ADAMTSL3: variants seen among roughly 807,000 people sequenced by gnomAD.
ADAMTSL3 encodes the protein ADAMTS like 3, also known as ADAMTS-like protein 3.
A neutral mutation model predicts 201.7 loss-of-function variants in ADAMTSL3; 128 were observed. The observed-to-expected ratio is 0.63, with a 90% CI of 0.55 to 0.73. The LOEUF is 0.73. Among genes scored for constraint, ADAMTSL3 ranks in the 30% least tolerant of loss-of-function variants. ADAMTSL3 has a pLI of 0.00. For synonymous variants in ADAMTSL3, 738 were observed against 748.4 expected (o/e 0.99, Z 0.23); for missense variants, 1,990 against 2,119.6 (o/e 0.94, Z 1.20).
At chr15:83,805,647 A>T (rs2063591513) in intron 5 of ADAMTSL3, among the ~76,000 whole-genome samples, 2 of 152,224 alleles carry the variant, frequency 1.3e-5, no homozygotes, top group African/African-American at 2.4e-5. Context: ...TTTCCTGGTT[A>T]TCAGTAAGAG....
intron 7 of ADAMTSL3, among the ~76,000 whole-genome samples, chr15:83,856,878 A>T (rs1278935308): frequency 2.0e-5 from 3 of 152,218 alleles, no homozygotes; most frequent in South Asian, 4.2e-4. Flanking sequence ...TATCTTGAGG[A>T]CTTGCCATAC....
chr15:83,796,898 A>G (rs983494466), intron 4 of ADAMTSL3, among the ~76,000 whole-genome samples: 2 of 152,240 alleles, frequency 1.3e-5, no homozygotes, highest in Non-Finnish European at 2.9e-5. Context: ...TAAAGAATAA[A>G]TTCCAAGTGC....
chr15:83,848,610 A>C (rs1381393318), intron 7 of ADAMTSL3, among the ~76,000 whole-genome samples: 1 of 152,228 alleles, frequency 6.6e-6, no homozygotes, highest in Admixed American at 6.5e-5. Context: ...TTTATACAGC[A>C]TCACTTGGTC....
intron 4 of ADAMTSL3, 150 bp downstream of exon 4, chr15:83,773,800 C>T (rs1325827782): frequency 2.6e-6 from 3 of 1,166,806 alleles, no homozygotes; most frequent in East Asian, 5.5e-5. Context: ...CCTAGGTTAA[C>T]ATATTTAAGC....
chr15:83,700,749 G>C (rs28393534), intron 2 of ADAMTSL3, among the ~76,000 whole-genome samples: 11 of 152,136 alleles, frequency 7.2e-5, no homozygotes, highest in Non-Finnish European at 1.6e-4. Context: ...GGGTGACAGA[G>C]CAAGACTCCG....
chr15:83,744,922 G>A (rs902320855), intron 3 of ADAMTSL3, among the ~76,000 whole-genome samples: 14 of 152,210 alleles, frequency 9.2e-5, no homozygotes, highest in Non-Finnish European at 1.8e-4. Flanking sequence ...ATAAGAGGGC[G>A]GGTCCCTGGC....
intron 16 of ADAMTSL3, among the ~76,000 whole-genome samples, chr15:83,922,925 T>C (rs1309404535): frequency 6.6e-6 from 1 of 152,200 alleles, no homozygotes; most frequent in Non-Finnish European, 1.5e-5. Context: ...TATTACAGTT[T>C]GTTTGTGACT....
At chr15:83,992,900 A>T (rs1240690446) in intron 23 of ADAMTSL3, among the ~76,000 whole-genome samples, 1 of 152,196 alleles carries the variant, frequency 6.6e-6, no homozygotes, top group Non-Finnish European at 1.5e-5. Flanking sequence ...GATGGAGCTC[A>T]GCACTGGGAG....
chr15:83,743,350 A>G (rs1177326414), intron 3 of ADAMTSL3, among the ~76,000 whole-genome samples: 1 of 151,844 alleles, frequency 6.6e-6, no homozygotes, highest in Non-Finnish European at 1.5e-5. Context: ...CGTCTCTACT[A>G]AAAATACAAA....
chr15:83,723,409 A>C (rs913020754), intron 3 of ADAMTSL3, among the ~76,000 whole-genome samples: 2 of 152,188 alleles, frequency 1.3e-5, no homozygotes, highest in African/African-American at 4.8e-5. Context: ...AGAACCTCAG[A>C]AATATCTTTA....
intron 15 of ADAMTSL3, among the ~76,000 whole-genome samples, chr15:83,906,244 G>A (rs2065830199): frequency 6.6e-6 from 1 of 152,118 alleles, no homozygotes; most frequent in African/African-American, 2.4e-5. Flanking sequence ...AAACTTTAGA[G>A]TTGTATTGTC....
chr15:83,894,141 C>T (rs538089861), intron 13 of ADAMTSL3, among the ~76,000 whole-genome samples: 145 of 152,234 alleles, frequency 9.5e-4, no homozygotes, highest in Non-Finnish European at 1.7e-3. Context: ...GAATGATTCA[C>T]TCCATCTGAA....
chr15:83,946,063 G>A (rs2066649181), intron 19 of ADAMTSL3: 1 of 152,342 alleles, frequency 6.6e-6, no homozygotes, highest in Non-Finnish European at 1.5e-5. Context: ...CAGACAGCTT[G>A]TTTCTGGATG....
In ADAMTSL3 at chr15:83,912,163, C is replaced by G. The variant is rs562138967; in HGVS notation, c.1701-929C>G. ...GGAATCTGGTTTTCAAAATTCTGTG[C>G]AGGGGTCCAGTAAAGGACCAGATAG... On this transcript the variant is annotated intron_variant, in intron 15 of 29. Coordinates refer to ENST00000286744, the MANE Select transcript of ADAMTSL3 (RefSeq NM_207517.3). 3.3e-5 allele frequency among the ~76,000 whole-genome samples: 5 copies of G among 152,228 alleles called. No individual in the cohort carries two copies. In the East Asian group the frequency reaches 9.7e-4, roughly 29 times the overall value.
At chr15:84,017,663 A>G (rs2068112360) in intron 25 of ADAMTSL3, among the ~76,000 whole-genome samples, 1 of 152,214 alleles carries the variant, frequency 6.6e-6, no homozygotes. Context: ...CACGTTACTT[A>G]TGACATCATT....
rs764433618 is a variant in ADAMTSL3 at position 83,704,341 on chromosome 15, G to A, written c.70-48G>A. On this transcript the variant is annotated intron_variant, in intron 2 of 29. Coordinates refer to ENST00000286744, the MANE Select transcript of ADAMTSL3 (RefSeq NM_207517.3). Reference sequence around the variant, plus strand: ...GCCTTCTTGGACTTTACCTGTCAGGGGGTCCTTACTGGAGCCTTATTTGTG... The same window carrying A: ...GCCTTCTTGGACTTTACCTGTCAGGAGGTCCTTACTGGAGCCTTATTTGTG... The A allele has an allele frequency of 5.0e-6, 8 of 1,613,210 alleles. No individual in the cohort carries two copies. In the East Asian group the frequency reaches 1.1e-4, roughly 22 times the overall value.
chr15:83,917,107 A>G (rs1488747655), intron 16 of ADAMTSL3, among the ~76,000 whole-genome samples: 1 of 152,246 alleles, frequency 6.6e-6, no homozygotes, highest in African/African-American at 2.4e-5. Flanking sequence ...ACTGACAACC[A>G]CAATAAAATG....
chr15:83,669,603 G>T (rs761938137), intron 2 of ADAMTSL3, among the ~76,000 whole-genome samples: 19 of 150,226 alleles, frequency 1.3e-4, no homozygotes, highest in Non-Finnish European at 2.5e-4. Flanking sequence ...GAGTAGCTGG[G>T]ACTACAGGTG....
At chr15:83,974,714 A>C (rs1023592029) in intron 20 of ADAMTSL3, among the ~76,000 whole-genome samples, 3 of 152,220 alleles carry the variant, frequency 2.0e-5, no homozygotes, top group Non-Finnish European at 4.4e-5. Context: ...CTTGGTTTCC[A>C]ATCAGGCATC....
Sources: allele counts gnomAD v4.1 joint callset (sites outside exome capture counted in the v4.1 genomes callset), GRCh38; gene constraint gnomAD v4.1.1; transcripts MANE v1.5; gene names NCBI Gene and HGNC (gene_info 2026-07-23, HGNC 2026-07-21).